The following RBFOX1 variants were observed in gnomAD, a reference collection of about 807,000 sequenced individuals.
RBFOX1 encodes RNA binding protein fox-1 homolog 1.
A neutral mutation model predicts 57.7 loss-of-function variants in RBFOX1; 8 were observed. That is an observed-to-expected ratio of 0.14 (90% confidence interval 0.08 to 0.25). The LOEUF is 0.25. Among genes scored for constraint, RBFOX1 ranks in the 10% least tolerant of loss-of-function variants. RBFOX1 has a pLI of 1.00. For missense variants in RBFOX1, 611 were observed against 548.5 expected, an observed-to-expected ratio of 1.11 and a Z score of -1.14; for synonymous variants, 326 against 222.4, an observed-to-expected ratio of 1.47 and a Z score of -4.15.
intron 1 of RBFOX1, among the ~76,000 whole-genome samples, chr16:5,454,859 T>TTTCTTTCTTTCC (rs1567534803): frequency 3.6e-4 from 5 of 13,706 alleles, no homozygotes; most frequent in Non-Finnish European, 7.3e-4. Flanking sequence ...CTTTCTTTTC[T>TTTCTTTCTTTCC]TTCTTTCTTT....
chr16:6,777,583 G>T (rs190757036), intron 3 of RBFOX1, among the ~76,000 whole-genome samples: 3 of 152,080 alleles, frequency 2.0e-5, no homozygotes, highest in Admixed American at 6.5e-5. Flanking sequence ...GTCAGATTAG[G>T]GGGGAAAGAA....
At chr16:6,750,348 T>C (rs1312246023) in intron 3 of RBFOX1, among the ~76,000 whole-genome samples, 3 of 152,224 alleles carry the variant, frequency 2.0e-5, no homozygotes, top group Non-Finnish European at 4.4e-5. Context: ...TGGTGATAGA[T>C]GCCTTATTAT....
intron 4 of RBFOX1, among the ~76,000 whole-genome samples, chr16:7,469,704 C>T (rs141920962): frequency 6.6e-6 from 1 of 151,982 alleles, no homozygotes; most frequent in African/African-American, 2.4e-5. Flanking sequence ...TGGAAATTTC[C>T]CCTTTTAAAT....
chr16:5,466,543 C>G (rs1045059629), intron 1 of RBFOX1, among the ~76,000 whole-genome samples: 1 of 152,168 alleles, frequency 6.6e-6, no homozygotes, highest in Non-Finnish European at 1.5e-5. Context: ...TGTGTGTGCC[C>G]TCTGGGAATC....
intron 1 of RBFOX1, among the ~76,000 whole-genome samples, chr16:6,215,522 G>T (rs1335698141): frequency 6.6e-6 from 1 of 152,006 alleles, no homozygotes; most frequent in East Asian, 1.9e-4. Context: ...TTCTGAGTTT[G>T]TTTATTTCCC....
intron 3 of RBFOX1, among the ~76,000 whole-genome samples, chr16:5,659,649 G>T (rs1479521610): frequency 6.6e-6 from 1 of 152,126 alleles, no homozygotes; most frequent in Admixed American, 6.5e-5. Flanking sequence ...TAAACCTGGG[G>T]TTAGTGGATA....
At chr16:5,388,367 G>C (rs937736144) in intron 1 of RBFOX1, among the ~76,000 whole-genome samples, 6 of 152,148 alleles carry the variant, frequency 3.9e-5, no homozygotes, top group African/African-American at 9.7e-5. Flanking sequence ...TTTCTATAAA[G>C]GGCCAGGTCC....
At chr16:7,111,039 CAT>C (rs2064653939) in intron 4 of RBFOX1, among the ~76,000 whole-genome samples, 1 of 152,066 alleles carries the variant, frequency 6.6e-6, no homozygotes, top group Admixed American at 6.6e-5. Flanking sequence ...CACACACACA[CAT>C]AAAGGTTAAG....
At chr16:6,321,887 C>T (rs560299329) in intron 2 of RBFOX1, among the ~76,000 whole-genome samples, 4 of 152,176 alleles carry the variant, frequency 2.6e-5, no homozygotes, top group Non-Finnish European at 4.4e-5. Context: ...GACTCCAGAT[C>T]TATCACTGAA....
intron 3 of RBFOX1, among the ~76,000 whole-genome samples, chr16:6,876,126 T>G (rs990620848): frequency 6.6e-6 from 1 of 152,014 alleles, no homozygotes; most frequent in African/African-American, 2.4e-5. Context: ...GAGGCTGCAG[T>G]GAGCCATGAT....
Position 6,208,257 on chromosome 16 carries a change from G to A in RBFOX1, c.-126-108738G>A, listed in dbSNP as rs2097268327. Among the ~76,000 whole-genome samples the A allele has an allele frequency of 2.0e-5, 3 of 152,064 alleles. No homozygotes were observed. The South Asian group carries it at 6.2e-4, about 32-fold the overall frequency. On this transcript the variant is annotated intron_variant, in intron 1 of 15. Coordinates refer to ENST00000550418, the MANE Select transcript of RBFOX1 (RefSeq NM_018723.4). ...GAGTGATACATATTTCTGGGTGATG[G>A]GATATGGAATTTTTTTTTAACTTTT... is the stretch of plus-strand genomic sequence containing the variant.
At chr16:5,581,630 C>T (rs1367736616) in intron 2 of RBFOX1, among the ~76,000 whole-genome samples, 1 of 152,176 alleles carries the variant, frequency 6.6e-6, no homozygotes, top group Non-Finnish European at 1.5e-5. Flanking sequence ...GAGGTGATGT[C>T]TGGACTTTGA....
At chr16:7,312,459 A>T (rs142929573) in intron 4 of RBFOX1, among the ~76,000 whole-genome samples, 33 of 152,378 alleles carry the variant, frequency 2.2e-4, no homozygotes, top group Non-Finnish European at 4.1e-4. Flanking sequence ...GAAGCTGGAC[A>T]TAAACTTCTC....
intron 2 of RBFOX1, among the ~76,000 whole-genome samples, chr16:6,641,370 A>G (rs765951133): frequency 5.9e-5 from 9 of 152,096 alleles, no homozygotes; most frequent in Non-Finnish European, 1.0e-4. Flanking sequence ...TTCTGGTGCT[A>G]TTTATAAATC....
At chr16:5,972,580 A>G (rs904041863) in intron 4 of RBFOX1, among the ~76,000 whole-genome samples, 1 of 152,202 alleles carries the variant, frequency 6.6e-6, no homozygotes, top group East Asian at 1.9e-4. Flanking sequence ...GAAAACAGGG[A>G]TGAGATGCGG....
intron 1 of RBFOX1, among the ~76,000 whole-genome samples, chr16:5,452,513 G>A (rs933368642): frequency 2.0e-5 from 3 of 151,918 alleles, no homozygotes; most frequent in Admixed American, 1.3e-4. Context: ...CATTCCCACT[G>A]CCTTTCGCCA....
chr16:6,554,735 C>T (rs1166466869), intron 2 of RBFOX1, among the ~76,000 whole-genome samples: 3 of 145,556 alleles, frequency 2.1e-5, no homozygotes, highest in Non-Finnish European at 3.0e-5. Flanking sequence ...GACACACACA[C>T]ACACACACAC....
At chr16:6,906,823 A>G (rs1252713939) in intron 3 of RBFOX1, among the ~76,000 whole-genome samples, 2 of 151,858 alleles carry the variant, frequency 1.3e-5, no homozygotes, top group African/African-American at 2.4e-5. Context: ...CCTGGGTTCA[A>G]GCAATTCTCC....
intron 4 of RBFOX1, among the ~76,000 whole-genome samples, chr16:7,161,853 C>A (rs2078394533): frequency 6.6e-6 from 1 of 152,204 alleles, no homozygotes; most frequent in African/African-American, 2.4e-5. Flanking sequence ...AGAACACGTT[C>A]AATTGATTTC....
Sources: allele counts gnomAD v4.1 joint callset (sites outside exome capture counted in the v4.1 genomes callset), GRCh38; gene constraint gnomAD v4.1.1; transcripts MANE v1.5; gene names NCBI Gene and HGNC (gene_info 2026-07-23, HGNC 2026-07-21).